Variants in MROH2A observed in about 807,000 individuals in gnomAD.
MROH2A encodes maestro heat-like repeat-containing protein family member 2A.
Under a neutral mutation model 200.4 loss-of-function variants are expected in MROH2A, and 174 were observed. The ratio of observed to expected loss-of-function variants is 0.87; its 90% CI spans 0.77 to 0.98. The LOEUF is 0.98. Among genes scored for constraint, MROH2A ranks in the 50% least tolerant of loss-of-function variants. The pLI, the probability that MROH2A is intolerant of heterozygous loss-of-function variation, is 0.00. For synonymous variants in MROH2A, 829 were observed against 840.4 expected (o/e 0.99, Z 0.23); for missense variants, 2,045 against 2,139.6 (o/e 0.96, Z 0.87).
At chr2:233,804,577 GGGA>G in intron 18 of MROH2A, 30 bp downstream of exon 18, 1 of 1,549,818 alleles carries the variant, frequency 6.5e-7, no homozygotes. Context: ...GCTGAGGCCT[GGGA>G]GGAGGAGAAA....
chr2:233,829,813 C>T (rs1037565620), intron 38 of MROH2A, 38 bp downstream of exon 38: 5 of 1,290,512 alleles, frequency 3.9e-6, no homozygotes, highest in Non-Finnish European at 4.9e-6. Flanking sequence ...CAGTCTGGGG[C>T]CCGCTGTTCC....
chr2:233,802,435 A>C, intron 15 of MROH2A, 120 bp downstream of exon 15: 1 of 1,166,724 alleles, frequency 8.6e-7, no homozygotes, highest in Non-Finnish European at 1.2e-6. Flanking sequence ...GGAAACATCC[A>C]AGTCCAAATT....
chr2:233,816,768 G>T lies in MROH2A; in HGVS notation c.2857-13G>T. 1 of 1,543,642 alleles carries T rather than the reference G, an allele frequency of 6.5e-7. No individual in the cohort carries two copies. Among genetic ancestry groups the T allele is most frequent in the Non-Finnish European group, 8.8e-7 (1 of 1,140,912 alleles). ...TTTAACACCCACTTTGGTGTTCTGG[G>T]CTCTACCCATAGCTCCTGGAAAAGT... On this transcript the variant is annotated splice_polypyrimidine_tract_variant and intron_variant, in intron 26 of 41. Coordinates refer to ENST00000389758, the MANE Select transcript of MROH2A (RefSeq NM_001394639.1).
intron 12 of MROH2A, among the ~76,000 whole-genome samples, chr2:233,799,477 G>A (rs945457837): frequency 6.6e-6 from 1 of 152,156 alleles, no homozygotes; most frequent in South Asian, 2.1e-4. Context: ...CAAGCCCCAG[G>A]GGGTCCAGGA....
In MROH2A at chr2:233,795,986, C is replaced by A. The variant is rs1559449712; in HGVS notation, c.1079C>A (p.Ala360Asp). 1 of 1,550,616 alleles carries A rather than the reference C, an allele frequency of 6.4e-7. No homozygotes were observed. The highest frequency in any genetic ancestry group is 8.7e-7 in the Non-Finnish European group (1 of 1,146,988). The change falls in exon 10 of 42, where the codon GCC becomes GAC. Residue 360 changes from alanine to aspartate, a missense_variant. This residue lies in a region of MROH2A where 831 missense variants were observed against 800.0 expected (regional missense o/e 1.04). Transcript: ENST00000389758. Reference sequence around the variant, plus strand: ...CACCAGGTGTGCAACAAGGCCCCGGCCCAGCATCAGTACAGCAGCCAGAAT... The same window carrying A: ...CACCAGGTGTGCAACAAGGCCCCGGACCAGCATCAGTACAGCAGCCAGAAT... ...LHVQVCNKAP[A>D]QHQYSSQNLM...
chr2:233,798,625 G>A, intron 11 of MROH2A, 149 bp from the exon 12 acceptor site: 1 of 641,190 alleles, frequency 1.6e-6, no homozygotes, highest in South Asian at 1.8e-5. Context: ...AGATGGCCAG[G>A]GAGAGCATGG....
At chr2:233,832,704 T>A in intron 41 of MROH2A, 60 bp downstream of exon 41, 1 of 1,162,018 alleles carries the variant, frequency 8.6e-7, no homozygotes, top group Non-Finnish European at 1.2e-6. Flanking sequence ...TAGGGGAGCT[T>A]AGAGAAACTG....
intron 38 of MROH2A, 26 bp downstream of exon 38, chr2:233,829,801 C>T: frequency 7.7e-7 from 1 of 1,297,484 alleles, no homozygotes; most frequent in Non-Finnish European, 9.9e-7. Flanking sequence ...GGCTTTGTGT[C>T]CCAGTCTGGG....
chr2:233,812,642 C>T lies in MROH2A; in HGVS notation c.2651+683C>T, dbSNP rs149954425. 6.6e-5 allele frequency among the ~76,000 whole-genome samples: 10 copies of T among 152,278 alleles called. 3 individuals are homozygous for T. The highest frequency in any genetic ancestry group is 2.4e-4 in the African/African-American group (10 of 41,534). ...CACAGAGATACATAAGACCTAGTCC[C>T]AGCCTTTTAAGGACTTAGAGATAAG... On this transcript the variant is annotated intron_variant, in intron 24 of 41. Transcript: ENST00000389758.
intron 35 of MROH2A, among the ~76,000 whole-genome samples, chr2:233,825,921 C>CTTTTTTTTTTTTTTTTTTTTT (rs34849761): frequency 1.0e-5 from 1 of 95,246 alleles, no homozygotes; most frequent in Non-Finnish European, 1.9e-5. Context: ...TTTCTTTTTC[C>CTTTTTTTTTTTTTTTTTTTTT]TTTTTTTTTT....
intron 26 of MROH2A, among the ~76,000 whole-genome samples, chr2:233,815,579 G>A (rs13001408): frequency 0.4 from 60,466 of 152,046 alleles, 14,085 homozygotes; most frequent in South Asian, 0.56. Context: ...TCTGAGGTAC[G>A]GGTCAAAGTT....
At chr2:233,823,271 T>C (rs1401624148) in intron 34 of MROH2A, among the ~76,000 whole-genome samples, 1 of 152,128 alleles carries the variant, frequency 6.6e-6, no homozygotes, top group Non-Finnish European at 1.5e-5. Context: ...CCACACAGGG[T>C]CTAGAGTAGG....
Position 233,829,016 on chromosome 2 carries a change from G to T in MROH2A, c.4390G>T (p.Asp1464Tyr). ...TKILAELREG[D>Y]VGSSFDAMSE... ...GATCCTGGCTGAGCTCCGGGAAGGG[G>T]ATGTGGGGTCCTCTTTCGACGCCAT... The change falls in exon 37 of 42, where the codon GAT becomes TAT. Residue 1464 changes from aspartate (D) to tyrosine (Y), a missense_variant. Asp to Tyr is a radical substitution (Grantham distance 160, BLOSUM62 -3). Transcript: ENST00000389758. The T allele has an allele frequency of 6.5e-7, 1 of 1,550,162 alleles. No homozygotes were observed. The highest frequency in any genetic ancestry group is 2.4e-5 in the East Asian group (1 of 40,888).
chr2:233,831,346 T>TC, intron 38 of MROH2A, 63 bp from the exon 39 acceptor site: 2 of 1,478,848 alleles, frequency 1.4e-6, no homozygotes, highest in East Asian at 2.6e-5. Flanking sequence ...CCTGCCAGCC[T>TC]CACCCCTCTG....
In MROH2A at chr2:233,823,599, G is replaced by T; in HGVS notation, c.4048G>T (p.Glu1350Ter). Residue 1350 changes from glutamate to a stop codon, truncating the protein, a stop_gained, in exon 35 of 42, where the codon GAG (glutamate) becomes TAG (stop). Transcript: ENST00000389758. LOFTEE classifies it high-confidence loss of function. The part of the protein sequence containing the change: ...HVEGHRQRLA[E>*]LVLRGMDSEV... ...GGAGGGCCACAGGCAGAGGCTGGCC[G>T]AGCTGGTGCTCAGGGGCATGGACTC... is the stretch of plus-strand genomic sequence containing the variant. The T allele has an allele frequency of 5.8e-6, 9 of 1,550,344 alleles. No individual in the cohort carries two copies. Among genetic ancestry groups the T allele is most frequent in the Non-Finnish European group, 7.8e-6 (9 of 1,146,960 alleles).
In MROH2A at chr2:233,788,988, G is replaced by A. The variant is rs1472697063; in HGVS notation, c.277-509G>A. ...AAAAAAAGAGTAACTTGTCATGCCT[G>A]ATTAAAAGTATTCTCAAATACGACC... On this transcript the variant is annotated intron_variant, in intron 3 of 41. Coordinates refer to ENST00000389758, the MANE Select transcript of MROH2A (RefSeq NM_001394639.1). 3.6e-5 allele frequency among the ~76,000 whole-genome samples: 5 copies of A among 138,734 alleles called. No homozygotes were observed. In the East Asian group the frequency reaches 1.1e-3, roughly 31 times the overall value. The allele number at this position is 138,734 out of a possible 152,430, so 91.0% of individuals were successfully genotyped here. A position where few individuals can be genotyped will look rare whatever the true frequency, so the allele number is the denominator to read the frequency against.
intron 40 of MROH2A, 128 bp from the exon 41 acceptor site, chr2:233,832,451 C>A: frequency 1.0e-6 from 1 of 985,882 alleles, no homozygotes; most frequent in Non-Finnish European, 1.5e-6. Context: ...TTGGCTTCCT[C>A]CCTGCCAACG....
chr2:233,779,628 T>C, intron 2 of MROH2A, 43 bp from the exon 3 acceptor site: 2 of 1,543,488 alleles, frequency 1.3e-6, no homozygotes, highest in Non-Finnish European at 1.8e-6. Flanking sequence ...CCTCCTGTCA[T>C]GGTCATTTCC....
intron 37 of MROH2A, 141 bp from the exon 38 acceptor site, chr2:233,829,479 C>A: frequency 2.4e-6 from 2 of 822,144 alleles, no homozygotes; most frequent in Non-Finnish European, 3.4e-6. Context: ...GTGATCCCTG[C>A]CAAAGGAGAG....
Sources: gnomAD v4.1 joint callset for allele counts (sites outside exome capture counted in the v4.1 genomes callset) on GRCh38, gnomAD v4.1.1 for gene constraint, gnomAD v4.1.1 regional missense constraint, MANE v1.5 for transcripts, NCBI Gene and HGNC (gene_info 2026-07-23, HGNC 2026-07-21) for gene names.